Variants in TRIQK observed in about 807,000 individuals in gnomAD.
The protein encoded by TRIQK is triple QxxK/R motif-containing protein.
TRIQK carries 10 observed loss-of-function variants against 10.8 expected under a neutral mutation model. The ratio of observed to expected loss-of-function variants is 0.92; its 90% CI spans 0.57 to 1.57. The LOEUF (loss-of-function observed/expected upper bound fraction) is 1.57, where lower values mean the gene tolerates loss of function less well. Among genes scored for constraint, TRIQK ranks in the 40% most tolerant of loss-of-function variants. The probability of loss-of-function intolerance (pLI) is 0.00; values close to 1 mark genes in which losing one functional copy is unlikely to be tolerated. For missense variants in TRIQK, 107 were observed against 97.7 expected (o/e 1.09, Z -0.40); for synonymous variants, 33 against 33.7 (o/e 0.98, Z 0.07).
intron 2 of TRIQK, among the ~76,000 whole-genome samples, chr8:92,920,402 G>C (rs1299219718): frequency 6.6e-6 from 1 of 151,470 alleles, no homozygotes; most frequent in Non-Finnish European, 1.5e-5. Flanking sequence ...CAAAAATATA[G>C]AGAATAGAAA....
Position 92,884,741 on chromosome 8 carries a change from T to C in TRIQK, c.*1881A>G, listed in dbSNP as rs1446690411. ...ATTATTACATATCCTCTCATTTAAA[T>C]TACCACTGAAAACTAGAAATAATCT... On this transcript the variant is annotated 3_prime_UTR_variant, in exon 5 of 5. Coordinates refer to ENST00000521988, the MANE Select transcript of TRIQK (RefSeq NM_001171797.2). 3 of 423,196 alleles carry C rather than the reference T, an allele frequency of 7.1e-6. No homozygotes were observed. Among genetic ancestry groups the C allele is most frequent in the African/African-American group, 6.1e-5 (3 of 48,956 alleles). 26.2% of individuals were successfully genotyped at this position (423,196 alleles called of 1,614,324 possible).
intron 1 of TRIQK, among the ~76,000 whole-genome samples, chr8:93,000,082 A>G (rs574835507): frequency 9.5e-4 from 145 of 152,342 alleles, no homozygotes; most frequent in African/African-American, 3.3e-3. Context: ...TTTTAAAAAT[A>G]TATTTGTATT....
chr8:92,972,982 C>T (rs1196026925), intron 1 of TRIQK: 1 of 152,178 alleles, frequency 6.6e-6, no homozygotes, highest in Non-Finnish European at 1.5e-5. Flanking sequence ...AGTAAGTTCT[C>T]TACTATTTCT....
chr8:92,973,808 C>T (rs1812901437), intron 1 of TRIQK: 2 of 151,930 alleles, frequency 1.3e-5, no homozygotes, highest in African/African-American at 2.4e-5. Flanking sequence ...CCCTATAGTA[C>T]TCTGTTCTTT....
At chr8:93,009,796 A>C (rs1002405779) in intron 1 of TRIQK, among the ~76,000 whole-genome samples, 18 of 152,264 alleles carry the variant, frequency 1.2e-4, no homozygotes, top group Non-Finnish European at 2.4e-4. Context: ...CCAAAGGAAA[A>C]AAAAATCAGC....
At chr8:92,931,253 A>G (rs974758393) in intron 2 of TRIQK, among the ~76,000 whole-genome samples, 2 of 152,150 alleles carry the variant, frequency 1.3e-5, no homozygotes, top group Non-Finnish European at 2.9e-5. Context: ...GTTTTATCCA[A>G]TGTTAAAATT....
intron 2 of TRIQK, among the ~76,000 whole-genome samples, chr8:92,942,478 G>C (rs542462528): frequency 6.6e-6 from 1 of 152,232 alleles, no homozygotes; most frequent in Admixed American, 6.5e-5. Flanking sequence ...CTAAGATCTG[G>C]AGCAAGACAA....
At chr8:92,903,431 A>G (rs1000574426) in intron 3 of TRIQK, among the ~76,000 whole-genome samples, 1 of 152,158 alleles carries the variant, frequency 6.6e-6, no homozygotes, top group East Asian at 1.9e-4. Flanking sequence ...TGATAATTAA[A>G]TGCCAGGCAA....
At chr8:92,980,070 T>C (rs1216690261) in intron 1 of TRIQK, among the ~76,000 whole-genome samples, 1 of 152,108 alleles carries the variant, frequency 6.6e-6, no homozygotes, top group Non-Finnish European at 1.5e-5. Context: ...CACCATTAGA[T>C]CTGATGTTCA....
chr8:93,004,556 C>A (rs1228799361), intron 1 of TRIQK, among the ~76,000 whole-genome samples: 1 of 152,202 alleles, frequency 6.6e-6, no homozygotes, highest in African/African-American at 2.4e-5. Context: ...GAATTCCTTC[C>A]CCAAAAGTGG....
intron 1 of TRIQK, among the ~76,000 whole-genome samples, chr8:92,983,261 A>G (rs172160): frequency 0.67 from 102,153 of 151,862 alleles, 34,679 homozygotes; most frequent in African/African-American, 0.74. Context: ...GAGGCAGACA[A>G]AGGAGAGAAA....
At chr8:92,957,855 G>T (rs1401417447) in intron 1 of TRIQK, among the ~76,000 whole-genome samples, 1 of 151,840 alleles carries the variant, frequency 6.6e-6, no homozygotes, top group African/African-American at 2.4e-5. Context: ...TACCACGTAA[G>T]TTCCTAGGGT....
chr8:92,983,858 T>C (rs1194661112), intron 1 of TRIQK, among the ~76,000 whole-genome samples: 1 of 152,074 alleles, frequency 6.6e-6, no homozygotes, highest in Non-Finnish European at 1.5e-5. Flanking sequence ...AAAATAAACA[T>C]ACAATTATTG....
chr8:92,980,258 C>A (rs1812973806), intron 1 of TRIQK, among the ~76,000 whole-genome samples: 1 of 151,904 alleles, frequency 6.6e-6, no homozygotes, highest in Non-Finnish European at 1.5e-5. Flanking sequence ...TGGGAATTTA[C>A]TTTATCTAGA....
At position 92,886,575 on chromosome 8, in the gene TRIQK, G is replaced by T; in HGVS notation, c.*47C>A. The T allele has an allele frequency of 1.6e-6, 2 of 1,217,074 alleles. No individual in the cohort carries two copies. The highest frequency in any genetic ancestry group is 2.3e-6 in the Non-Finnish European group (2 of 885,632). The allele number at this position is 1,217,074 out of a possible 1,614,324, so 75.4% of individuals were successfully genotyped here. A position where few individuals can be genotyped will look rare whatever the true frequency, so the allele number is the denominator to read the frequency against. On this transcript the variant is annotated 3_prime_UTR_variant, in exon 5 of 5. Transcript: ENST00000521988. ...GTATTGAAAGTTTTGGTCCCAAAAG[G>T]TGCTTTCGTAAAGTTATTTCTCTTT...
chr8:92,941,778 G>A (rs949189507), intron 2 of TRIQK, among the ~76,000 whole-genome samples: 4 of 152,008 alleles, frequency 2.6e-5, no homozygotes, highest in South Asian at 4.1e-4. Flanking sequence ...AAATGCAAAA[G>A]GTCACAAGAG....
chr8:92,956,211 T>C (rs1350332031), intron 1 of TRIQK, among the ~76,000 whole-genome samples: 2 of 151,792 alleles, frequency 1.3e-5, no homozygotes, highest in African/African-American at 4.8e-5. Context: ...TTAAAAAGAA[T>C]GAAATATTGA....
chr8:92,942,833 T>C (rs1375793729), intron 2 of TRIQK, among the ~76,000 whole-genome samples: 4 of 152,098 alleles, frequency 2.6e-5, no homozygotes, highest in Non-Finnish European at 5.9e-5. Flanking sequence ...TAGCTGGGAC[T>C]AAAGGTGCCT....
chr8:92,926,651 A>G (rs1810462471), intron 2 of TRIQK, among the ~76,000 whole-genome samples: 1 of 152,226 alleles, frequency 6.6e-6, no homozygotes, highest in Admixed American at 6.5e-5. Flanking sequence ...TAATAATCAT[A>G]GCACACTACG....
Sources: allele counts gnomAD v4.1 joint callset (sites outside exome capture counted in the v4.1 genomes callset), GRCh38; gene constraint gnomAD v4.1.1; transcripts MANE v1.5; gene names NCBI Gene and HGNC (gene_info 2026-07-23, HGNC 2026-07-21).